The following RPL28 variants were observed in gnomAD, a reference collection of about 807,000 sequenced individuals.
RPL28 encodes large ribosomal subunit protein eL28.
RPL28 carries 4 observed loss-of-function variants against 12.5 expected under a neutral mutation model. The observed-to-expected ratio is 0.32, with a 90% CI of 0.16 to 0.73. The LOEUF is 0.73. Among genes scored for constraint, RPL28 ranks in the 30% least tolerant of loss-of-function variants. The probability of loss-of-function intolerance (pLI) is 0.66; values close to 1 mark genes in which losing one functional copy is unlikely to be tolerated. For missense variants in RPL28, 214 were observed against 197.7 expected (o/e 1.08, Z -0.49); for synonymous variants, 91 against 72.5 (o/e 1.26, Z -1.30).
At position 55,386,396 on chromosome 19, in the gene RPL28, C is replaced by T. The variant is rs2089925404; in HGVS notation, c.39C>T (p.Cys13=). The T allele has an allele frequency of 1.9e-6, 3 of 1,614,160 alleles. No homozygotes were observed. The highest frequency in any genetic ancestry group is 2.2e-5 in the East Asian group (1 of 44,882). Residue 13 remains cysteine, a synonymous_variant, in exon 2 of 5, where the codon TGC becomes TGT. Transcript: ENST00000344063. Reference sequence around the variant, plus strand: ...TGCAATGGATGGTCGTGCGGAACTGCTCCAGTTTCCTGATCAAGAGGAATA... The same window carrying T: ...TGCAATGGATGGTCGTGCGGAACTGTTCCAGTTTCCTGATCAAGAGGAATA... The part of the protein sequence containing the change: ...AHLQWMVVRN[C]SSFLIKRNKQ...
chr19:55,403,226 TAAA>T (rs1450791439), exon 5 of RPL28: 1 of 617,162 alleles, frequency 1.6e-6, no homozygotes, highest in Non-Finnish European at 2.9e-6. Flanking sequence ...CTATCGCTAT[TAAA>T]AAACCACTGA....
intron 4 of RPL28, 64 bp downstream of exon 4, chr19:55,388,112 A>G (rs1569041080): frequency 3.1e-6 from 5 of 1,601,814 alleles, no homozygotes; most frequent in Non-Finnish European, 4.3e-6. Flanking sequence ...AGGGCCTCCC[A>G]CTACTGGTTG....
downstream of RPL28, chr19:55,392,217 A>G (rs1486931820): frequency 3.6e-6 from 2 of 549,000 alleles, no homozygotes; most frequent in African/African-American, 4.1e-5. Context: ...AACTTCACAC[A>G]TATGCATGCA....
intron 4 of RPL28, among the ~76,000 whole-genome samples, chr19:55,402,642 A>AT (rs1052633683): frequency 6.6e-6 from 1 of 152,138 alleles, no homozygotes; most frequent in African/African-American, 2.4e-5. Flanking sequence ...TCCCACCCTA[A>AT]TTCTCATCAC....
At position 55,388,954 on chromosome 19, in the gene RPL28, C is replaced by T; in HGVS notation, c.*622C>T. On this transcript the variant is annotated 3_prime_UTR_variant, in exon 5 of 5. Transcript: ENST00000344063. ...GCCAGCAGGCATTGAGCAGCCTTAG[C>T]ATTGTCCCCCTACTCCCGTCCTCCA... The T allele has an allele frequency of 1.0e-6, 1 of 985,542 alleles. No homozygotes were observed. The highest frequency in any genetic ancestry group is 4.7e-5 in the South Asian group (1 of 21,286). The allele number at this position is 985,542 out of a possible 1,614,324, so 61.0% of individuals were successfully genotyped here.
In RPL28 at chr19:55,389,774, T is replaced by G; in HGVS notation, c.*1442T>G. 1 of 985,542 alleles carries G rather than the reference T, an allele frequency of 1.0e-6. No individual in the cohort carries two copies. 61.0% of individuals were successfully genotyped at this position (985,542 alleles called of 1,614,324 possible). A position where few individuals can be genotyped will look rare whatever the true frequency, so the allele number is the denominator to read the frequency against. Reference sequence around the variant, plus strand: ...GTCTATTAGCTCAGATTGAGAGGTGTTGCCTTAAAACTGAGTTGGGTGACT... The same window carrying G: ...GTCTATTAGCTCAGATTGAGAGGTGGTGCCTTAAAACTGAGTTGGGTGACT... On this transcript the variant is annotated 3_prime_UTR_variant, in exon 5 of 5. Coordinates refer to ENST00000344063, the MANE Select transcript of RPL28 (RefSeq NM_000991.5).
chr19:55,387,398 CG>C (rs1355238517), intron 3 of RPL28: 1 of 1,549,696 alleles, frequency 6.5e-7, no homozygotes, highest in Non-Finnish European at 8.7e-7. Flanking sequence ...CTCAGGGACA[CG>C]TAGTCCAGGG....
intron 1 of RPL28, 164 bp downstream of exon 1, chr19:55,386,129 C>T (rs913798899): frequency 7.1e-6 from 4 of 567,174 alleles, no homozygotes; most frequent in East Asian, 2.9e-5. Flanking sequence ...CCCTCACTCT[C>T]ATTCGCCGCA....
intron 3 of RPL28, chr19:55,387,427 C>T: frequency 6.5e-7 from 1 of 1,535,886 alleles, no homozygotes; most frequent in Non-Finnish European, 8.8e-7. Context: ...AATTGCTTGG[C>T]ACTTGGGGAC....
In RPL28 at chr19:55,389,223, G is replaced by T; in HGVS notation, c.*891G>T. 1.1e-6 allele frequency: 1 copy of T among 924,808 alleles called. No homozygotes were observed. The highest frequency in any genetic ancestry group is 1.3e-6 in the Non-Finnish European group (1 of 774,694). 57.3% of individuals were successfully genotyped at this position (924,808 alleles called of 1,614,324 possible). On this transcript the variant is annotated 3_prime_UTR_variant, in exon 5 of 5. Transcript: ENST00000344063. ...AATTAGCTGGGTGTGGTGGTGCACC[G>T]CCTGTGGTCCCAGCTCCTCAGAGGT...
At chr19:55,386,860 C>CT in intron 3 of RPL28, 167 bp downstream of exon 3, 1 of 1,552,654 alleles carries the variant, frequency 6.4e-7, no homozygotes, top group Non-Finnish European at 8.7e-7. Flanking sequence ...CTTGTCAGCT[C>CT]TGTGAGCCGC....
intron 3 of RPL28, chr19:55,387,683 A>G (rs2089946182): frequency 1.4e-6 from 2 of 1,394,400 alleles, no homozygotes; most frequent in South Asian, 1.7e-5. Context: ...ATGAGAAAGG[A>G]GTGTTTTCAT....
rs1004130853 is a variant in RPL28, at chr19:55,390,707, C to T, written c.*2375C>T. ...CTGTTCCTGCGGGTGGCCAGCCTGT[C>T]TGTGTGGCTGGGCTGGGGAGGCCAC... is the stretch of plus-strand genomic sequence containing the variant. On this transcript the variant is annotated 3_prime_UTR_variant, in exon 5 of 5. Coordinates refer to ENST00000344063, the MANE Select transcript of RPL28 (RefSeq NM_000991.5). The T allele has an allele frequency of 4.1e-6, 4 of 985,340 alleles. No individual in the cohort carries two copies. The highest frequency in any genetic ancestry group is 4.8e-6 in the Non-Finnish European group (4 of 829,962). 61.0% of individuals were successfully genotyped at this position (985,340 alleles called of 1,614,324 possible).
downstream of RPL28, among the ~76,000 whole-genome samples, chr19:55,396,365 A>C (rs1320913061): frequency 2.0e-5 from 3 of 151,288 alleles, no homozygotes; most frequent in South Asian, 4.2e-4. Context: ...ATCATAAAAC[A>C]CCTATGTAAC....
In RPL28 at chr19:55,391,738, G is replaced by A. The variant is rs967488261; in HGVS notation, c.*3406G>A. On this transcript the variant is annotated 3_prime_UTR_variant, in exon 5 of 5. Transcript: ENST00000344063. ...CTGCTTGACTGTGCCCACAAATCCT[G>A]ATTGTAGGAATAAATTAATGACTTT... 4 of 1,504,140 alleles carry A rather than the reference G, an allele frequency of 2.7e-6. No individual in the cohort carries two copies. Among genetic ancestry groups the A allele is most frequent in the African/African-American group, 1.4e-5 (1 of 71,806 alleles). 93.2% of individuals were successfully genotyped at this position (1,504,140 alleles called of 1,614,324 possible). A position where few individuals can be genotyped will look rare whatever the true frequency, so the allele number is the denominator to read the frequency against.
chr19:55,387,133 A>C, intron 3 of RPL28: 1 of 1,310,672 alleles, frequency 7.6e-7, no homozygotes. Flanking sequence ...TGTGTAGGTT[A>C]GAGAAGAGGT....
chr19:55,386,547 G>A (rs762022767), intron 2 of RPL28, 23 bp from the exon 3 acceptor site: 5 of 1,601,182 alleles, frequency 3.1e-6, no homozygotes, highest in Middle Eastern at 1.7e-4. Flanking sequence ...TATTCACGAT[G>A]CCTTGTGCCG....
downstream of RPL28, among the ~76,000 whole-genome samples, chr19:55,396,494 ACC>A (rs1569045551): frequency 1.3e-3 from 1 of 796 alleles, no homozygotes; most frequent in African/African-American, 6.6e-3. Context: ...TCCCCTCCCC[ACC>A]CCTCCCCTCC....
At chr19:55,386,272 T>G in intron 1 of RPL28, 78 bp from the exon 2 acceptor site, 6 of 1,354,458 alleles carry the variant, frequency 4.4e-6, no homozygotes, top group Non-Finnish European at 6.2e-6. Flanking sequence ...CTTCCTCTGC[T>G]GTCCGAGCGT....
Sources: gnomAD v4.1 joint callset for allele counts (sites outside exome capture counted in the v4.1 genomes callset) on GRCh38, gnomAD v4.1.1 for gene constraint, MANE v1.5 for transcripts, NCBI Gene and HGNC (gene_info 2026-07-23, HGNC 2026-07-21) for gene names.